Variants in CNTN4 observed in about 807,000 individuals in gnomAD.
CNTN4 encodes the protein contactin 4.
A neutral mutation model predicts 122.5 loss-of-function variants in CNTN4; 77 were observed. That is an observed-to-expected ratio of 0.63 (90% CI 0.52 to 0.76). The LOEUF is 0.76. Ranked by LOEUF, CNTN4 falls within the 30% of genes least tolerant of loss-of-function variation. The pLI, the probability that CNTN4 is intolerant of heterozygous loss-of-function variation, is 0.00. For synonymous variants in CNTN4, 512 were observed against 447.0 expected (o/e 1.15, Z -1.83); for missense variants, 1,256 against 1,259.1 (o/e 1.00, Z 0.04).
intron 3 of CNTN4, among the ~76,000 whole-genome samples, chr3:2,498,824 C>G (rs1657723475): frequency 6.6e-6 from 1 of 151,746 alleles, no homozygotes; most frequent in Admixed American, 6.6e-5. Context: ...AAGTCTTGCT[C>G]TGTTGCCCAG....
intron 7 of CNTN4, among the ~76,000 whole-genome samples, chr3:2,836,341 T>G (rs1391921448): frequency 1.3e-5 from 2 of 152,176 alleles, no homozygotes; most frequent in Non-Finnish European, 2.9e-5. Flanking sequence ...AGCTACCAGT[T>G]TATTTTATGG....
At chr3:2,223,873 C>T (rs1445680072) in intron 2 of CNTN4, among the ~76,000 whole-genome samples, 1 of 152,004 alleles carries the variant, frequency 6.6e-6, no homozygotes, top group African/African-American at 2.4e-5. Context: ...AAAACGGGGT[C>T]CCACAACTTG....
intron 2 of CNTN4, among the ~76,000 whole-genome samples, chr3:2,172,243 C>A (rs2036549775): frequency 6.6e-6 from 1 of 152,156 alleles, no homozygotes; most frequent in African/African-American, 2.4e-5. Flanking sequence ...GAAATAATGT[C>A]TTTTTCAGCA....
chr3:2,503,317 A>C (rs2076645740), intron 3 of CNTN4, among the ~76,000 whole-genome samples: 1 of 152,172 alleles, frequency 6.6e-6, no homozygotes, highest in Admixed American at 6.6e-5. Context: ...GTAAGATATT[A>C]GTTGTAGAAT....
At chr3:2,317,018 A>G (rs1353297066) in intron 2 of CNTN4, among the ~76,000 whole-genome samples, 2 of 152,118 alleles carry the variant, frequency 1.3e-5, no homozygotes, top group South Asian at 2.1e-4. Context: ...CATGCACACT[A>G]TCACCATTCT....
rs538175479 is a variant in CNTN4 at position 2,442,634 on chromosome 3, A to G, written c.-89+103401A>G. Among the ~76,000 whole-genome samples the G allele has an allele frequency of 1.1e-4, 16 of 152,240 alleles. No individual in the cohort carries two copies. The South Asian group carries it at 3.1e-3, about 30-fold the overall frequency. On this transcript the variant is annotated intron_variant, in intron 3 of 24. Transcript: ENST00000418658. ...GGAGTTTTGTGGATTTGTCTAAAAA[A>G]GGAAACACTGTGATTTAGGATTTTG...
chr3:2,931,343 C>T (rs975874636), intron 13 of CNTN4, among the ~76,000 whole-genome samples: 1 of 148,794 alleles, frequency 6.7e-6, no homozygotes, highest in Non-Finnish European at 1.5e-5. Context: ...TCTTTAGGAA[C>T]TGACGAATGG....
At chr3:2,380,426 G>A (rs1024202395) in intron 3 of CNTN4, among the ~76,000 whole-genome samples, 1 of 142,332 alleles carries the variant, frequency 7.0e-6, no homozygotes, top group Non-Finnish European at 1.6e-5. Flanking sequence ...TGAAGAACAT[G>A]AAATGTGTCT....
chr3:2,342,090 T>C (rs565101866), intron 3 of CNTN4, among the ~76,000 whole-genome samples: 7 of 152,246 alleles, frequency 4.6e-5, no homozygotes, highest in Non-Finnish European at 7.3e-5. Flanking sequence ...GTTCTTATTA[T>C]ATATCCATCA....
intron 13 of CNTN4, among the ~76,000 whole-genome samples, chr3:2,987,225 A>G (rs185251842): frequency 7.0e-4 from 106 of 152,102 alleles, no homozygotes; most frequent in African/African-American, 2.4e-3. Flanking sequence ...TAGAAAGATT[A>G]GAACAAAACA....
intron 2 of CNTN4, among the ~76,000 whole-genome samples, chr3:2,236,777 C>G (rs1317613092): frequency 1.3e-5 from 2 of 152,178 alleles, no homozygotes; most frequent in African/African-American, 4.8e-5. Context: ...CAGGATGCCA[C>G]TCTCATTTGG....
chr3:2,178,939 C>G lies in CNTN4; in HGVS notation c.-145+78300C>G, dbSNP rs550308727. Among the ~76,000 whole-genome samples the G allele has an allele frequency of 8.3e-4, 126 of 152,048 alleles. 1 individual carries two copies. Among genetic ancestry groups the G allele is most frequent in the Middle Eastern group, 6.8e-3 (2 of 294 alleles). On this transcript the variant is annotated intron_variant, in intron 2 of 24. Coordinates refer to ENST00000418658, the MANE Select transcript of CNTN4 (RefSeq NM_175607.3). ...TCTGCAAATAGCAGACACAGAGCAT[C>G]CTTTAGGTTGGAACTGAGTAAAGTA...
chr3:2,337,145 A>G (rs984557787), intron 2 of CNTN4, among the ~76,000 whole-genome samples: 6 of 151,996 alleles, frequency 3.9e-5, no homozygotes, highest in Admixed American at 3.3e-4. Context: ...CCTGCTTTCT[A>G]TTCTCTTTGG....
chr3:2,326,136 C>T (rs1025029612), intron 2 of CNTN4, among the ~76,000 whole-genome samples: 2 of 152,122 alleles, frequency 1.3e-5, no homozygotes, highest in African/African-American at 2.4e-5. Flanking sequence ...AGGTTGCTTT[C>T]CCAAATGTGG....
At position 2,438,732 on chromosome 3, in the gene CNTN4, C is replaced by T. The variant is rs1048316631; in HGVS notation, c.-89+99499C>T. 7.2e-5 allele frequency among the ~76,000 whole-genome samples: 11 copies of T among 152,248 alleles called. 1 individual carries two copies. Among genetic ancestry groups the T allele is most frequent in the African/African-American group, 2.6e-4 (11 of 41,560 alleles). The stretch of plus-strand genomic sequence containing the variant: ...CTCACATATGGTGGTGGATCTCCCA[C>T]TGGCTTGGCAGGTGCGGTAATAGCA... On this transcript the variant is annotated intron_variant, in intron 3 of 24. Coordinates refer to ENST00000418658, the MANE Select transcript of CNTN4 (RefSeq NM_175607.3).
intron 6 of CNTN4, among the ~76,000 whole-genome samples, chr3:2,796,083 A>T (rs1314473613): frequency 1.3e-5 from 2 of 152,118 alleles, no homozygotes; most frequent in African/African-American, 4.8e-5. Flanking sequence ...GACCCGTAAG[A>T]TGTAAAGGTT....
intron 2 of CNTN4, among the ~76,000 whole-genome samples, chr3:2,121,581 C>T (rs2033787708): frequency 6.6e-6 from 1 of 151,816 alleles, no homozygotes. Flanking sequence ...TACTATAGAA[C>T]TTGTGCTGTA....
intron 10 of CNTN4, among the ~76,000 whole-genome samples, chr3:2,898,298 G>C (rs944522171): frequency 3.3e-4 from 50 of 152,226 alleles, no homozygotes; most frequent in African/African-American, 1.2e-3. Flanking sequence ...GTTCAAATTT[G>C]TCTTCTATGA....
intron 6 of CNTN4, among the ~76,000 whole-genome samples, chr3:2,784,999 C>T (rs1400201): frequency 0.98 from 149,341 of 152,092 alleles, 73,379 homozygotes; most frequent in East Asian, 1. Flanking sequence ...AAAACTTGGC[C>T]TTCTTGGCCC....
Sources: allele counts gnomAD v4.1 joint callset (sites outside exome capture counted in the v4.1 genomes callset), GRCh38; gene constraint gnomAD v4.1.1; transcripts MANE v1.5; gene names NCBI Gene and HGNC (gene_info 2026-07-23, HGNC 2026-07-21).